The following MGAT5 variants were observed in gnomAD, a reference collection of about 807,000 sequenced individuals.
MGAT5 encodes alpha-1,6-mannosylglycoprotein 6-beta-N-acetylglucosaminyltransferase A.
Under a neutral mutation model 94.3 loss-of-function variants are expected in MGAT5, and 30 were observed. The ratio of observed to expected loss-of-function variants is 0.32; its 90% CI spans 0.24 to 0.43. MGAT5 has a LOEUF of 0.43. Among genes scored for constraint, MGAT5 ranks in the 20% least tolerant of loss-of-function variants. The pLI is 1.00. For missense variants in MGAT5, 691 were observed against 905.5 expected (o/e 0.76, Z 3.04); for synonymous variants, 310 against 322.9 (o/e 0.96, Z 0.43).
chr2:134,285,001 T>C (rs1282525817), intron 2 of MGAT5, among the ~76,000 whole-genome samples: 1 of 152,240 alleles, frequency 6.6e-6, no homozygotes, highest in Non-Finnish European at 1.5e-5. Context: ...TTTGATTTTT[T>C]GTTTTGGTCT....
At chr2:134,349,054 T>C (rs1209968704) in intron 8 of MGAT5, among the ~76,000 whole-genome samples, 1 of 152,182 alleles carries the variant, frequency 6.6e-6, no homozygotes, top group Non-Finnish European at 1.5e-5. Flanking sequence ...TTTTCGAACA[T>C]GAAAATTGGA....
intron 1 of MGAT5, among the ~76,000 whole-genome samples, chr2:134,228,044 A>C (rs1304036935): frequency 2.6e-5 from 4 of 152,198 alleles, no homozygotes; most frequent in African/African-American, 9.7e-5. Context: ...AAATGGGACA[A>C]ATTTTTACAG....
chr2:134,305,137 G>A (rs1239370625), intron 2 of MGAT5, among the ~76,000 whole-genome samples: 1 of 152,018 alleles, frequency 6.6e-6, no homozygotes, highest in East Asian at 1.9e-4. Flanking sequence ...TATTATCAAG[G>A]TGTCATCTCA....
At chr2:134,270,225 T>C (rs1237144548) in intron 1 of MGAT5, among the ~76,000 whole-genome samples, 161 bp from the exon 2 acceptor site, 2 of 152,252 alleles carry the variant, frequency 1.3e-5, no homozygotes, top group Non-Finnish European at 2.9e-5. Flanking sequence ...TCTGGGCCAG[T>C]TGAAGACGGC....
At chr2:134,134,286 C>G (rs1372330658) in intron 1 of MGAT5, among the ~76,000 whole-genome samples, 4 of 152,128 alleles carry the variant, frequency 2.6e-5, no homozygotes, top group Non-Finnish European at 5.9e-5. Context: ...AATAAAGATT[C>G]TTCTGGGTGC....
chr2:134,390,215 C>A (rs1682314791), intron 10 of MGAT5, among the ~76,000 whole-genome samples: 2 of 152,156 alleles, frequency 1.3e-5, no homozygotes, highest in African/African-American at 4.8e-5. Context: ...TTTGTGCATC[C>A]CCGTGGATCA....
intron 1 of MGAT5, among the ~76,000 whole-genome samples, chr2:134,224,830 G>A (rs1680973830): frequency 1.3e-5 from 2 of 152,158 alleles, no homozygotes; most frequent in Admixed American, 6.5e-5. Flanking sequence ...TGTTATCCCA[G>A]CACTTTGGGA....
At chr2:134,122,796 C>G (rs1253989762) in intron 1 of MGAT5, among the ~76,000 whole-genome samples, 1 of 152,230 alleles carries the variant, frequency 6.6e-6, no homozygotes, top group East Asian at 1.9e-4. Context: ...GGGTTTGCAC[C>G]TGCACAAGCA....
At chr2:134,200,306 G>T (rs1679721475) in intron 1 of MGAT5, among the ~76,000 whole-genome samples, 1 of 152,138 alleles carries the variant, frequency 6.6e-6, no homozygotes. Flanking sequence ...ATAGTCTCTA[G>T]CCTGAATACT....
intron 9 of MGAT5, among the ~76,000 whole-genome samples, chr2:134,359,546 AT>A (rs1389893110): frequency 4.6e-5 from 7 of 152,224 alleles, no homozygotes; most frequent in African/African-American, 1.7e-4. Flanking sequence ...TAAAAATCAC[AT>A]TTGTTTATCT....
chr2:134,120,163 G>A (rs374665745), upstream of MGAT5: 5,360 of 162,432 alleles, frequency 0.033, 662 homozygotes, highest in East Asian at 0.3. Context: ...TCCCGCGGCG[G>A]CGGCCCCGGG....
rs768035590 is a variant in MGAT5, at chr2:134,362,366, G to A, written c.1338G>A (p.Gln446=). 2.5e-6 allele frequency: 4 copies of A among 1,614,068 alleles called. No individual in the cohort carries two copies. The highest frequency in any genetic ancestry group is 2.7e-5 in the African/African-American group (2 of 74,938). ...DIHHINEIKR[Q]NQSLVYGKVD... ...ACCACATTAATGAAATCAAAAGGCA[G>A]AACCAGTCCCTTGTGTATGGCAAAG... Residue 446 remains glutamine, a synonymous_variant, in exon 10 of 16, where the codon CAG becomes CAA. Transcript: ENST00000281923.
intron 7 of MGAT5, among the ~76,000 whole-genome samples, chr2:134,344,579 C>A (rs1390368377): frequency 6.6e-6 from 1 of 151,914 alleles, no homozygotes; most frequent in South Asian, 2.1e-4. Flanking sequence ...TTCTTTGTAT[C>A]CAGTCCTTGT....
intron 8 of MGAT5, among the ~76,000 whole-genome samples, chr2:134,346,015 A>T (rs1402758959): frequency 6.6e-6 from 1 of 152,214 alleles, no homozygotes; most frequent in Non-Finnish European, 1.5e-5. Context: ...ACATAAATAT[A>T]AAAAAAGCAA....
intron 1 of MGAT5, among the ~76,000 whole-genome samples, chr2:134,267,803 A>G (rs763007426): frequency 2.6e-5 from 4 of 152,238 alleles, no homozygotes; most frequent in Non-Finnish European, 4.4e-5. Context: ...TCTCACTGCA[A>G]CTTTCTGTTG....
chr2:134,125,788 C>G (rs549830136), intron 1 of MGAT5, among the ~76,000 whole-genome samples: 1 of 152,318 alleles, frequency 6.6e-6, no homozygotes, highest in African/African-American at 2.4e-5. Flanking sequence ...CCATCCCCAG[C>G]TGGGAGAATC....
intron 1 of MGAT5, among the ~76,000 whole-genome samples, chr2:134,248,661 C>T (rs547352785): frequency 5.4e-5 from 8 of 148,328 alleles, no homozygotes; most frequent in African/African-American, 2.0e-4. Context: ...GTCTGGGAAC[C>T]ACTAAGTTAG....
At chr2:134,181,007 T>G (rs1241697673) in intron 1 of MGAT5, among the ~76,000 whole-genome samples, 1 of 152,246 alleles carries the variant, frequency 6.6e-6, no homozygotes, top group African/African-American at 2.4e-5. Flanking sequence ...CTAGTTTCCT[T>G]TGTGTGTTTA....
intron 1 of MGAT5, among the ~76,000 whole-genome samples, chr2:134,159,211 G>GTGTC (rs1687616853): frequency 6.6e-6 from 1 of 151,760 alleles, no homozygotes; most frequent in African/African-American, 2.4e-5. Flanking sequence ...GTGTGTGTGT[G>GTGTC]TGTGTGTGTG....
Sources: gnomAD v4.1 joint callset for allele counts (sites outside exome capture counted in the v4.1 genomes callset) on GRCh38, gnomAD v4.1.1 for gene constraint, MANE v1.5 for transcripts, NCBI Gene and HGNC (gene_info 2026-07-23, HGNC 2026-07-21) for gene names.